SCIN: variants seen among roughly 807,000 people sequenced by gnomAD.
SCIN encodes adseverin.
A neutral mutation model predicts 91.8 loss-of-function variants in SCIN; 91 were observed. The ratio of observed to expected loss-of-function variants is 0.99; its 90% CI spans 0.84 to 1.18. The LOEUF (loss-of-function observed/expected upper bound fraction) is 1.18, where lower values mean the gene tolerates loss of function less well. Ranked by LOEUF, SCIN falls within the 50% of genes most tolerant of loss-of-function variation. The pLI, the probability that SCIN is intolerant of heterozygous loss-of-function variation, is 0.00. For synonymous variants in SCIN, 367 were observed against 312.6 expected (o/e 1.17, Z -1.84); for missense variants, 1,087 against 863.9 (o/e 1.26, Z -3.24).
intron 3 of SCIN, among the ~76,000 whole-genome samples, chr7:12,588,355 C>T (rs1048232982): frequency 3.3e-5 from 5 of 152,182 alleles, no homozygotes; most frequent in African/African-American, 1.2e-4. Flanking sequence ...TAGACACATA[C>T]ACAAGTAAGA....
intron 7 of SCIN, 169 bp downstream of exon 7, chr7:12,626,019 G>A: frequency 1.8e-6 from 1 of 556,230 alleles, no homozygotes; most frequent in South Asian, 2.6e-5. Flanking sequence ...CTGCGTGGGG[G>A]TTAGAATTTT....
At chr7:12,591,272 G>A (rs1011311876) in intron 3 of SCIN, among the ~76,000 whole-genome samples, 1 of 152,164 alleles carries the variant, frequency 6.6e-6, no homozygotes, top group South Asian at 2.1e-4. Context: ...TTGAATCCTG[G>A]AAGGAGGAAG....
rs1784163858 is a variant in SCIN, at chr7:12,656,439, T to G, written c.*3724T>G. ...AAACCTAATTTATTTTAAACCTAAT[T>G]TATTTATTTTAAACATTTATTTTAA... On this transcript the variant is annotated 3_prime_UTR_variant, in exon 16 of 16. Coordinates refer to ENST00000297029, the MANE Select transcript of SCIN (RefSeq NM_001112706.3). 6.6e-6 allele frequency: 1 copy of G among 152,218 alleles called. No individual in the cohort carries two copies. Among genetic ancestry groups the G allele is most frequent in the Non-Finnish European group, 1.5e-5 (1 of 68,046 alleles). The allele number at this position is 152,218 out of a possible 1,614,324, so 9.4% of individuals were successfully genotyped here. A position where few individuals can be genotyped will look rare whatever the true frequency, so the allele number is the denominator to read the frequency against.
At chr7:12,627,636 T>A (rs760137511) in intron 8 of SCIN, among the ~76,000 whole-genome samples, 4 of 152,208 alleles carry the variant, frequency 2.6e-5, no homozygotes, top group Non-Finnish European at 4.4e-5. Context: ...GAAGCGTGAA[T>A]CTAAGCGGCA....
intron 3 of SCIN, among the ~76,000 whole-genome samples, chr7:12,594,434 G>C (rs905420017): frequency 1.3e-5 from 2 of 152,076 alleles, no homozygotes; most frequent in African/African-American, 4.8e-5. Context: ...CTGAATATAA[G>C]GAATCTCAGA....
At position 12,626,707 on chromosome 7, in the gene SCIN, A is replaced by G; in HGVS notation, c.1105A>G (p.Lys369Glu). Residue 369 changes from lysine (K) to glutamate (E), a missense_variant, in exon 8 of 16, where the codon AAA (lysine) becomes GAA (glutamate). By Grantham distance (56) the Lys-to-Glu change is moderately conservative (BLOSUM62 1). Coordinates refer to ENST00000297029, the MANE Select transcript of SCIN (RefSeq NM_001112706.3). The stretch of plus-strand genomic sequence containing the variant: ...TGTCACAGAGAAAGTGGCTCAAATA[A>G]AACAAATTCCCTTTGATGCCTCAAA... ...VYVTEKVAQI[K>E]QIPFDASKLH... 1 of 1,600,256 alleles carries G rather than the reference A, an allele frequency of 6.2e-7. No individual in the cohort carries two copies. Among genetic ancestry groups the G allele is most frequent in the Non-Finnish European group, 8.5e-7 (1 of 1,173,096 alleles).
At chr7:12,601,729 C>A (rs1457396480) in intron 3 of SCIN, among the ~76,000 whole-genome samples, 1 of 152,188 alleles carries the variant, frequency 6.6e-6, no homozygotes, top group Non-Finnish European at 1.5e-5. Context: ...CCCTCTGAAT[C>A]TCTTAAAACT....
At chr7:12,604,842 T>C (rs1426062112) in intron 4 of SCIN, among the ~76,000 whole-genome samples, 179 bp downstream of exon 4, 2 of 152,032 alleles carry the variant, frequency 1.3e-5, no homozygotes, top group Non-Finnish European at 2.9e-5. Flanking sequence ...ATCTAAGTGA[T>C]GGAACTGGGA....
At chr7:12,591,205 G>A (rs116567895) in intron 3 of SCIN, among the ~76,000 whole-genome samples, 1,786 of 152,234 alleles carry the variant, frequency 0.012, 45 homozygotes, top group African/African-American at 0.041. Flanking sequence ...CTGGGTTGAG[G>A]GAAGCACTTC....
rs748612593 is a variant in SCIN at position 12,626,652 on chromosome 7, A to C, written c.1050A>C (p.Lys350Asn). Residue 350 changes from lysine to asparagine, a missense_variant, in exon 8 of 16, where the codon AAA (lysine) becomes AAC (asparagine). Coordinates refer to ENST00000297029, the MANE Select transcript of SCIN (RefSeq NM_001112706.3). ...AGTTTTTTAAGGACTGGAGAGATAA[A>C]GATCAGAGTGATGGCTTCGGGAAAG... Reference protein sequence around the residue: ...FKQFFKDWRDKDQSDGFGKVY... With the variant: ...FKQFFKDWRDNDQSDGFGKVY... The C allele has an allele frequency of 6.4e-7, 1 of 1,557,674 alleles. No homozygotes were observed. Among genetic ancestry groups the C allele is most frequent in the East Asian group, 2.4e-5 (1 of 41,556 alleles).
At chr7:12,626,214 A>T (rs1783518857) in intron 7 of SCIN, 1 of 311,544 alleles carries the variant, frequency 3.2e-6, no homozygotes, top group Non-Finnish European at 5.9e-6. Flanking sequence ...ATCAATTTAG[A>T]CCCTGGCTAG....
intron 1 of SCIN, among the ~76,000 whole-genome samples, chr7:12,572,488 G>A (rs1782290369): frequency 6.6e-6 from 1 of 152,210 alleles, no homozygotes; most frequent in South Asian, 2.1e-4. Context: ...TGTTTGAAAT[G>A]CCACATTTGC....
In SCIN at chr7:12,651,764, T is replaced by C. The variant is rs1036386328; in HGVS notation, c.1960-77T>C. ...GAAGATTGAATGAGCAATGTGTGTGTGAAGCACTTTACATAGGGCCTAGCA... is the reference window on the plus strand; with the variant it reads ...GAAGATTGAATGAGCAATGTGTGTGCGAAGCACTTTACATAGGGCCTAGCA... On this transcript the variant is annotated intron_variant, in intron 14 of 15. Coordinates refer to ENST00000297029, the MANE Select transcript of SCIN (RefSeq NM_001112706.3). This position sits in a 1 kb window ranked among gnomAD's most constrained non-coding sequence, Gnocchi z 5.9. 1 of 881,600 alleles carries C rather than the reference T, an allele frequency of 1.1e-6. No homozygotes were observed. Among genetic ancestry groups the C allele is most frequent in the Admixed American group, 2.2e-5 (1 of 44,568 alleles). 54.6% of individuals were successfully genotyped at this position (881,600 alleles called of 1,614,324 possible). A position where few individuals can be genotyped will look rare whatever the true frequency, so the allele number is the denominator to read the frequency against.
intron 3 of SCIN, among the ~76,000 whole-genome samples, chr7:12,594,441 C>G (rs1357422934): frequency 6.6e-6 from 1 of 152,136 alleles, no homozygotes; most frequent in Non-Finnish European, 1.5e-5. Flanking sequence ...TAAGGAATCT[C>G]AGACCATTTC....
chr7:12,592,824 G>A (rs1782754499), intron 3 of SCIN, among the ~76,000 whole-genome samples: 1 of 152,102 alleles, frequency 6.6e-6, no homozygotes, highest in African/African-American at 2.4e-5. Context: ...TGAGAACTCA[G>A]GCAAAGCTGA....
At chr7:12,645,018 TA>T (rs35352647) in intron 13 of SCIN, among the ~76,000 whole-genome samples, 6,725 of 93,628 alleles carry the variant, frequency 0.072, 213 homozygotes, top group Middle Eastern at 0.098. Flanking sequence ...AAAACTCCGT[TA>T]AAAAAAAAAA....
chr7:12,611,949 G>C (rs1450087643), intron 4 of SCIN, among the ~76,000 whole-genome samples: 1 of 151,714 alleles, frequency 6.6e-6, no homozygotes, highest in East Asian at 1.9e-4. Context: ...AAAAGATTAA[G>C]GTTGCTTTAT....
intron 4 of SCIN, 117 bp downstream of exon 4, chr7:12,604,780 CAT>C (rs1186376391): frequency 6.7e-5 from 54 of 804,932 alleles, no homozygotes; most frequent in East Asian, 6.1e-4. Flanking sequence ...AGATTCAACA[CAT>C]GTTTCAATAG....
At chr7:12,615,835 C>T (rs922251168) in intron 4 of SCIN, among the ~76,000 whole-genome samples, 4 of 152,000 alleles carry the variant, frequency 2.6e-5, no homozygotes, top group African/African-American at 9.7e-5. Context: ...TGGAAATTTT[C>T]TGGATTATGT....
Sources: allele counts gnomAD v4.1 joint callset (sites outside exome capture counted in the v4.1 genomes callset), GRCh38; gene constraint gnomAD v4.1.1; non-coding constraint Gnocchi (gnomAD v3.1); transcripts MANE v1.5; gene names NCBI Gene and HGNC (gene_info 2026-07-23, HGNC 2026-07-21).